CNTNAP2: variants seen among roughly 807,000 people sequenced by gnomAD.
The protein encoded by CNTNAP2 is contactin-associated protein-like 2.
Under a neutral mutation model 155.2 loss-of-function variants are expected in CNTNAP2, and 98 were observed. That is an observed-to-expected ratio of 0.63 (90% CI 0.54 to 0.75). The LOEUF (loss-of-function observed/expected upper bound fraction) is 0.75, where lower values mean the gene tolerates loss of function less well. Among genes scored for constraint, CNTNAP2 ranks in the 30% least tolerant of loss-of-function variants. The probability of loss-of-function intolerance (pLI) is 0.00; values close to 1 mark genes in which losing one functional copy is unlikely to be tolerated. For missense variants in CNTNAP2, 1,727 were observed against 1,688.1 expected (o/e 1.02, Z -0.40); for synonymous variants, 651 against 631.2 (o/e 1.03, Z -0.47).
intron 1 of CNTNAP2, among the ~76,000 whole-genome samples, chr7:146,229,236 T>G (rs969120265): frequency 1.3e-5 from 2 of 152,174 alleles, no homozygotes; most frequent in Non-Finnish European, 2.9e-5. Flanking sequence ...AATATCATTA[T>G]AAAAGAACTG....
At chr7:146,371,958 CAAAA>C (rs111816450) in intron 1 of CNTNAP2, among the ~76,000 whole-genome samples, 1 of 107,702 alleles carries the variant, frequency 9.3e-6, no homozygotes. Context: ...AACTCCATCT[CAAAA>C]AAAAAAAAAG....
chr7:146,969,747 G>T (rs191243609), intron 3 of CNTNAP2, among the ~76,000 whole-genome samples: 1 of 151,874 alleles, frequency 6.6e-6, no homozygotes, highest in Non-Finnish European at 1.5e-5. Flanking sequence ...AGCCTGCATC[G>T]CCAAGTCAAT....
chr7:146,279,039 C>T (rs1379274115), intron 1 of CNTNAP2, among the ~76,000 whole-genome samples: 1 of 152,024 alleles, frequency 6.6e-6, no homozygotes, highest in Non-Finnish European at 1.5e-5. Context: ...ATAAAAGGAA[C>T]AAAGATTGTT....
At chr7:147,294,295 G>A (rs974675024) in intron 8 of CNTNAP2, among the ~76,000 whole-genome samples, 1 of 152,020 alleles carries the variant, frequency 6.6e-6, no homozygotes, top group African/African-American at 2.4e-5. Flanking sequence ...AAATCATTTA[G>A]AAAGTTCATT....
chr7:147,877,198 A>G (rs1197371540), intron 13 of CNTNAP2, among the ~76,000 whole-genome samples: 1 of 152,108 alleles, frequency 6.6e-6, no homozygotes, highest in Admixed American at 6.5e-5. Flanking sequence ...CTGATAGTCT[A>G]TGGAATTGTA....
chr7:147,689,619 A>G (rs191340490), intron 13 of CNTNAP2, among the ~76,000 whole-genome samples: 62 of 152,282 alleles, frequency 4.1e-4, no homozygotes, highest in Admixed American at 2.5e-3. Flanking sequence ...AAACACCAAA[A>G]TATACTTTGT....
chr7:147,660,995 TA>T (rs1795600650), intron 13 of CNTNAP2, among the ~76,000 whole-genome samples: 1 of 152,078 alleles, frequency 6.6e-6, no homozygotes, highest in Non-Finnish European at 1.5e-5. Context: ...ACACACACAT[TA>T]AGATATAATT....
At chr7:146,840,784 A>G (rs369281681) in intron 3 of CNTNAP2, among the ~76,000 whole-genome samples, 9 of 152,306 alleles carry the variant, frequency 5.9e-5, no homozygotes, top group African/African-American at 1.9e-4. Context: ...ATTTTTTCTA[A>G]GTAACAAGAG....
intron 15 of CNTNAP2, among the ~76,000 whole-genome samples, chr7:148,100,760 T>C (rs953824996): frequency 1.6e-4 from 25 of 152,164 alleles, no homozygotes; most frequent in Admixed American, 2.0e-4. Context: ...TTTTTGCTAT[T>C]TGAAACTCTT....
At chr7:146,129,326 A>T (rs550446382) in intron 1 of CNTNAP2, among the ~76,000 whole-genome samples, 4 of 152,154 alleles carry the variant, frequency 2.6e-5, no homozygotes, top group South Asian at 4.1e-4. Context: ...CTTTTTTTCA[A>T]AAAAAGCTTT....
intron 1 of CNTNAP2, among the ~76,000 whole-genome samples, chr7:146,731,665 T>G (rs1038054630): frequency 2.6e-5 from 4 of 152,070 alleles, no homozygotes; most frequent in Non-Finnish European, 5.9e-5. Context: ...AATCTTAAAC[T>G]AAGGTCTTTC....
chr7:147,704,655 T>C (rs1214483750), intron 13 of CNTNAP2: 2 of 152,456 alleles, frequency 1.3e-5, no homozygotes, highest in African/African-American at 2.4e-5. Context: ...CGAGGAGAGC[T>C]CTTGTCCGTT....
intron 1 of CNTNAP2, among the ~76,000 whole-genome samples, chr7:146,680,521 C>G (rs1800483401): frequency 6.6e-6 from 1 of 152,060 alleles, no homozygotes; most frequent in African/African-American, 2.4e-5. Context: ...TAGAGTTTTG[C>G]CTCATTCTCT....
chr7:148,001,601 A>G lies in CNTNAP2; in HGVS notation c.2383+23612A>G, dbSNP rs141484152. 2.8e-3 allele frequency among the ~76,000 whole-genome samples: 424 copies of G among 152,324 alleles called. 1 individual carries two copies. Among genetic ancestry groups the G allele is most frequent in the African/African-American group, 9.6e-3 (398 of 41,554 alleles). On this transcript the variant is annotated intron_variant, in intron 15 of 23. Transcript: ENST00000361727. Reference sequence around the variant, plus strand: ...AGAATTAGGACTCTTCTTGCTCAAGATGCTTTATACATGAGCATAAATTGA... The same window carrying G: ...AGAATTAGGACTCTTCTTGCTCAAGGTGCTTTATACATGAGCATAAATTGA...
At chr7:146,934,418 C>T (rs979711147) in intron 3 of CNTNAP2, among the ~76,000 whole-genome samples, 200 of 128,844 alleles carry the variant, frequency 1.6e-3, no homozygotes, top group African/African-American at 5.8e-3. Context: ...AGGAAGGGGA[C>T]CATCACACTC....
intron 1 of CNTNAP2, among the ~76,000 whole-genome samples, chr7:146,534,073 T>G (rs1320316828): frequency 1.3e-5 from 2 of 152,062 alleles, no homozygotes; most frequent in African/African-American, 2.4e-5. Flanking sequence ...TAATTTATAA[T>G]GGAAGTTTGC....
intron 13 of CNTNAP2, among the ~76,000 whole-genome samples, chr7:147,835,101 A>C (rs745367976): frequency 2.6e-5 from 4 of 152,200 alleles, no homozygotes; most frequent in Non-Finnish European, 5.9e-5. Flanking sequence ...ATCTCCAATG[A>C]AACATTCCCC....
intron 1 of CNTNAP2, among the ~76,000 whole-genome samples, chr7:146,289,284 G>T (rs1800391230): frequency 6.6e-6 from 1 of 152,140 alleles, no homozygotes; most frequent in Non-Finnish European, 1.5e-5. Flanking sequence ...TGTTTATAAA[G>T]CTTTGATTCA....
intron 1 of CNTNAP2, among the ~76,000 whole-genome samples, chr7:146,316,772 T>A (rs538676085): frequency 8.6e-5 from 13 of 150,592 alleles, no homozygotes; most frequent in Non-Finnish European, 1.6e-4. Context: ...TTTTTTTTTT[T>A]AATAAAAACT....
Sources: allele counts gnomAD v4.1 joint callset (sites outside exome capture counted in the v4.1 genomes callset), GRCh38; gene constraint gnomAD v4.1.1; transcripts MANE v1.5; gene names NCBI Gene and HGNC (gene_info 2026-07-23, HGNC 2026-07-21).